Variants in RORA observed in about 807,000 individuals in gnomAD.
RORA encodes the protein nuclear receptor ROR-alpha.
RORA carries 7 observed loss-of-function variants against 69.5 expected under a neutral mutation model. That is an observed-to-expected ratio of 0.10 (90% CI 0.06 to 0.19). The LOEUF (loss-of-function observed/expected upper bound fraction) is 0.19, where lower values mean the gene tolerates loss of function less well. Ranked by LOEUF, RORA falls within the 10% of genes least tolerant of loss-of-function variation. RORA has a pLI of 1.00. For missense variants in RORA, 457 were observed against 663.0 expected, an observed-to-expected ratio of 0.69 and a Z score of 3.41; for synonymous variants, 261 against 240.8, an observed-to-expected ratio of 1.08 and a Z score of -0.78.
chr15:60,988,362 T>C (rs368110759), intron 1 of RORA, among the ~76,000 whole-genome samples: 1 of 151,902 alleles, frequency 6.6e-6, no homozygotes, highest in African/African-American at 2.4e-5. Flanking sequence ...AGCCAGGAAG[T>C]CACATTTGAT....
At chr15:60,906,893 C>A (rs1186737428) in intron 1 of RORA, among the ~76,000 whole-genome samples, 4 of 152,124 alleles carry the variant, frequency 2.6e-5, no homozygotes, top group Non-Finnish European at 4.4e-5. Flanking sequence ...AAGAGCTGTA[C>A]ATCTATAGTT....
At chr15:60,865,498 G>A (rs919295416) in intron 1 of RORA, among the ~76,000 whole-genome samples, 1 of 152,190 alleles carries the variant, frequency 6.6e-6, no homozygotes, top group African/African-American at 2.4e-5. Flanking sequence ...TTGGTAATGG[G>A]ATTGCTGATG....
At chr15:61,209,970 C>T (rs571009931) in intron 1 of RORA, among the ~76,000 whole-genome samples, 2 of 152,264 alleles carry the variant, frequency 1.3e-5, no homozygotes, top group Non-Finnish European at 2.9e-5. Flanking sequence ...TCAACTTCCC[C>T]GCCACAGAAC....
chr15:61,072,303 G>A (rs781636816), intron 1 of RORA, among the ~76,000 whole-genome samples: 11 of 151,888 alleles, frequency 7.2e-5, no homozygotes, highest in Non-Finnish European at 1.5e-4. Context: ...TGGCATTGAT[G>A]AGCCCATAAG....
At chr15:60,601,574 A>G (rs2068810045) in intron 2 of RORA, among the ~76,000 whole-genome samples, 1 of 152,234 alleles carries the variant, frequency 6.6e-6, no homozygotes. Flanking sequence ...AGGTAAAAAA[A>G]TAATGATTTC....
rs1281844433 is a variant in RORA, at chr15:60,592,559, G to A, written c.197-60708C>T. The A allele has an allele frequency of 1.8e-5, 22 of 1,246,602 alleles. No individual in the cohort carries two copies. The South Asian group carries it at 5.1e-4, about 29-fold the overall frequency. The allele number at this position is 1,246,602 out of a possible 1,614,324, so 77.2% of individuals were successfully genotyped here. A position where few individuals can be genotyped will look rare whatever the true frequency, so the allele number is the denominator to read the frequency against. ...CGCCGAGAGCCATCCCGAGCCATAAGAGGCTCCATGTGACCGGCTGACATC... is the reference window on the plus strand; with the variant it reads ...CGCCGAGAGCCATCCCGAGCCATAAAAGGCTCCATGTGACCGGCTGACATC... On this transcript the variant is annotated intron_variant, in intron 2 of 10. Transcript: ENST00000335670.
chr15:61,109,702 C>G (rs945950764), intron 1 of RORA, among the ~76,000 whole-genome samples: 52 of 152,190 alleles, frequency 3.4e-4, no homozygotes, highest in African/African-American at 1.2e-3. Flanking sequence ...TTGTTAAAAG[C>G]ATGCGCTCTG....
At chr15:60,957,511 A>T (rs963755863) in intron 1 of RORA, among the ~76,000 whole-genome samples, 2 of 152,372 alleles carry the variant, frequency 1.3e-5, no homozygotes, top group African/African-American at 4.8e-5. Context: ...ATTTATTTTC[A>T]TTAAGTCGAT....
chr15:61,124,719 T>G (rs1270871899), intron 1 of RORA, among the ~76,000 whole-genome samples: 1 of 152,188 alleles, frequency 6.6e-6, no homozygotes, highest in Non-Finnish European at 1.5e-5. Flanking sequence ...AATAAGACTT[T>G]AAAACCCAGG....
At chr15:61,052,975 G>A (rs1041036749) in intron 1 of RORA, among the ~76,000 whole-genome samples, 8 of 152,200 alleles carry the variant, frequency 5.3e-5, no homozygotes, top group Non-Finnish European at 8.8e-5. Flanking sequence ...TTGTAGCACA[G>A]TATAAGTAAA....
intron 1 of RORA, among the ~76,000 whole-genome samples, chr15:60,907,096 G>T (rs977152161): frequency 1.3e-5 from 2 of 152,060 alleles, no homozygotes; most frequent in South Asian, 2.1e-4. Context: ...TGGGAGGGAG[G>T]TATCATCATC....
intron 1 of RORA, among the ~76,000 whole-genome samples, chr15:61,052,419 G>A (rs2078027408): frequency 6.6e-6 from 1 of 152,226 alleles, no homozygotes; most frequent in African/African-American, 2.4e-5. Context: ...TAACTCCAGT[G>A]GTGCCACTGA....
chr15:60,791,439 G>A (rs555172713), intron 1 of RORA, among the ~76,000 whole-genome samples: 2 of 152,344 alleles, frequency 1.3e-5, no homozygotes, highest in East Asian at 3.9e-4. Flanking sequence ...AACTGGAAGG[G>A]AGTCTGTCCC....
intron 1 of RORA, among the ~76,000 whole-genome samples, chr15:61,064,007 G>A (rs1193333266): frequency 6.6e-6 from 1 of 152,160 alleles, no homozygotes. Context: ...AAGTGTGAAT[G>A]GAGTTAGTGC....
At chr15:60,584,726 AAAG>A (rs1446075159) in intron 2 of RORA, among the ~76,000 whole-genome samples, 2 of 152,230 alleles carry the variant, frequency 1.3e-5, no homozygotes, top group Non-Finnish European at 2.9e-5. Context: ...GAACAAATAA[AAAG>A]AAGGAGAAAA....
intron 1 of RORA, among the ~76,000 whole-genome samples, chr15:60,774,171 G>C (rs933733611): frequency 1.3e-5 from 2 of 152,178 alleles, no homozygotes; most frequent in Non-Finnish European, 2.9e-5. Context: ...TCCTAAAAGG[G>C]CAGTTCCCTG....
At chr15:60,718,796 G>C (rs7173461) in intron 1 of RORA, among the ~76,000 whole-genome samples, 42,107 of 152,118 alleles carry the variant, frequency 0.28, 6,358 homozygotes, top group Non-Finnish European at 0.36. Context: ...GGCACATCAA[G>C]ACCCTGTGCC....
chr15:60,884,783 A>G (rs1036409909), intron 1 of RORA, among the ~76,000 whole-genome samples: 7 of 152,176 alleles, frequency 4.6e-5, no homozygotes, highest in African/African-American at 1.7e-4. Context: ...CAAGAGAAAA[A>G]TCCTTTCCTC....
intron 1 of RORA, among the ~76,000 whole-genome samples, chr15:60,816,555 C>A (rs1200560136): frequency 7.9e-6 from 1 of 126,368 alleles, no homozygotes; most frequent in African/African-American, 3.0e-5. Flanking sequence ...TATTTATATA[C>A]TGTAAACAGT....
Sources: gnomAD v4.1 joint callset for allele counts (sites outside exome capture counted in the v4.1 genomes callset) on GRCh38, gnomAD v4.1.1 for gene constraint, MANE v1.5 for transcripts, NCBI Gene and HGNC (gene_info 2026-07-23, HGNC 2026-07-21) for gene names.